The following L3MBTL3 variants were observed in gnomAD, a reference collection of about 807,000 sequenced individuals.
L3MBTL3 encodes the protein lethal(3)malignant brain tumor-like protein 3.
L3MBTL3 carries 27 observed loss-of-function variants against 102.3 expected under a neutral mutation model. That is an observed-to-expected ratio of 0.26 (90% CI 0.19 to 0.36). L3MBTL3 has a LOEUF of 0.36. Among genes scored for constraint, L3MBTL3 ranks in the 10% least tolerant of loss-of-function variants. L3MBTL3 has a pLI of 1.00. For missense variants in L3MBTL3, 798 were observed against 955.3 expected (o/e 0.84, Z 2.17); for synonymous variants, 340 against 320.9 (o/e 1.06, Z -0.64).
intron 10 of L3MBTL3, among the ~76,000 whole-genome samples, chr6:130,063,708 T>C (rs1782057714): frequency 6.6e-6 from 1 of 152,156 alleles, no homozygotes; most frequent in Non-Finnish European, 1.5e-5. Context: ...CTAGCACAAG[T>C]ATCTTCTCTG....
chr6:130,073,649 G>C (rs1782770525), intron 13 of L3MBTL3, among the ~76,000 whole-genome samples: 1 of 151,954 alleles, frequency 6.6e-6, no homozygotes, highest in South Asian at 2.1e-4. Flanking sequence ...ACATTCATGT[G>C]GAAAAAAAGT....
intron 20 of L3MBTL3, among the ~76,000 whole-genome samples, chr6:130,127,161 T>C (rs1050168506): frequency 1.2e-4 from 18 of 152,222 alleles, no homozygotes; most frequent in African/African-American, 4.1e-4. Context: ...GAAAAGTCTC[T>C]CTGAGCATGG....
intron 16 of L3MBTL3, among the ~76,000 whole-genome samples, chr6:130,092,033 G>A (rs759440784): frequency 3.3e-4 from 50 of 152,060 alleles, no homozygotes; most frequent in Middle Eastern, 3.4e-3. Flanking sequence ...AAGAAATGAC[G>A]AAAGCTGGAG....
At chr6:130,114,915 C>T (rs754524642) in intron 19 of L3MBTL3, among the ~76,000 whole-genome samples, 3 of 152,070 alleles carry the variant, frequency 2.0e-5, no homozygotes, top group Admixed American at 6.6e-5. Context: ...CAAGTACAGT[C>T]GCTCTTCATT....
chr6:130,105,522 A>C lies in L3MBTL3; in HGVS notation c.1886+947A>C, dbSNP rs554975770. Among the ~76,000 whole-genome samples, 18 of 151,480 alleles carry C rather than the reference A, an allele frequency of 1.2e-4. No homozygotes were observed. The South Asian group carries it at 2.3e-3, about 19-fold the overall frequency. ...ATCCAAAAATGAGGGTCACTTGAAA[A>C]AATTTACCAGGATCATTTGAGCCTG... On this transcript the variant is annotated intron_variant, in intron 19 of 22. Transcript: ENST00000361794.
At chr6:130,051,516 C>T in intron 6 of L3MBTL3, 108 bp downstream of exon 6, 1 of 1,007,210 alleles carries the variant, frequency 9.9e-7, no homozygotes, top group Non-Finnish European at 1.5e-6. Context: ...CCTATTGATA[C>T]CTTTTTCCCA....
intron 13 of L3MBTL3, among the ~76,000 whole-genome samples, chr6:130,076,246 G>A (rs955184535): frequency 6.6e-6 from 1 of 152,184 alleles, no homozygotes. Flanking sequence ...TTTTCCATAA[G>A]TAAGCATCTT....
intron 2 of L3MBTL3, among the ~76,000 whole-genome samples, chr6:130,037,004 C>G (rs948507594): frequency 1.3e-5 from 2 of 152,116 alleles, no homozygotes; most frequent in African/African-American, 4.8e-5. Flanking sequence ...TCTTTCTGCA[C>G]CTCAGTTTCT....
At chr6:130,131,103 T>G (rs967528160) in intron 20 of L3MBTL3, among the ~76,000 whole-genome samples, 3 of 152,114 alleles carry the variant, frequency 2.0e-5, no homozygotes, top group Admixed American at 1.3e-4. Context: ...CCAAAGAAAT[T>G]GAGGGATTTA....
chr6:130,044,901 CA>C (rs1421404449), intron 3 of L3MBTL3, among the ~76,000 whole-genome samples: 3 of 152,114 alleles, frequency 2.0e-5, no homozygotes, highest in Non-Finnish European at 4.4e-5. Flanking sequence ...TCTCTCACTT[CA>C]TTCTTTGCCT....
intron 6 of L3MBTL3, 43 bp from the exon 7 acceptor site, chr6:130,052,816 G>A (rs1348483320): frequency 1.3e-6 from 2 of 1,566,830 alleles, no homozygotes. Context: ...ATGTTTGATA[G>A]GTATTGTCTC....
chr6:130,048,545 T>TTGGAA, intron 3 of L3MBTL3, among the ~76,000 whole-genome samples: 1 of 152,322 alleles, frequency 6.6e-6, no homozygotes. Context: ...TTTTCAGTAT[T>TTGGAA]TGGAATGGAA....
At chr6:130,098,791 A>G (rs911917926) in intron 18 of L3MBTL3, among the ~76,000 whole-genome samples, 1 of 151,904 alleles carries the variant, frequency 6.6e-6, no homozygotes, top group African/African-American at 2.4e-5. Flanking sequence ...AAGGCACTGA[A>G]GTCCCTGCTC....
Position 130,048,098 on chromosome 6 carries a change from A to T in L3MBTL3, c.103-1184A>T, listed in dbSNP as rs1052166602. On this transcript the variant is annotated intron_variant, in intron 3 of 22. Transcript: ENST00000361794. Reference sequence around the variant, plus strand: ...GCTGTTTTCACCTGATAGAAAGAATAATTATTGATACTTTTTGTTGAAGAG... The same window carrying T: ...GCTGTTTTCACCTGATAGAAAGAATTATTATTGATACTTTTTGTTGAAGAG... Among the ~76,000 whole-genome samples, 12 of 152,364 alleles carry T rather than the reference A, an allele frequency of 7.9e-5. No homozygotes were observed. In the South Asian group the frequency reaches 1.9e-3, roughly 24 times the overall value.
chr6:130,130,002 G>A (rs1222829064), intron 20 of L3MBTL3, among the ~76,000 whole-genome samples: 1 of 152,230 alleles, frequency 6.6e-6, no homozygotes, highest in Non-Finnish European at 1.5e-5. Flanking sequence ...GAGGTGGCAT[G>A]CTGTGTGGCA....
At chr6:130,023,246 A>G (rs771628901) in intron 2 of L3MBTL3, among the ~76,000 whole-genome samples, 1 of 152,192 alleles carries the variant, frequency 6.6e-6, no homozygotes, top group Non-Finnish European at 1.5e-5. Flanking sequence ...AATCAAAATG[A>G]CTAATTATTG....
chr6:130,071,032 G>A lies in L3MBTL3; in HGVS notation c.1149G>A (p.Lys383=), dbSNP rs1179832743. 6.2e-7 allele frequency: 1 copy of A among 1,613,272 alleles called. No individual in the cohort carries two copies. Among genetic ancestry groups the A allele is most frequent in the South Asian group, 1.1e-5 (1 of 91,052 alleles). Residue 383 remains lysine, a synonymous_variant, in exon 13 of 23, where the codon AAG becomes AAA. Transcript: ENST00000361794. ...TGAAGCTTGAGGCAGTAGACAAAAA[G>A]AATCCCTCATTCATCTGTGTTGCTA... The part of the protein sequence containing the change: ...VGMKLEAVDK[K]NPSFICVATV...
At chr6:130,103,301 A>G (rs1482379306) in intron 18 of L3MBTL3, among the ~76,000 whole-genome samples, 10 of 152,334 alleles carry the variant, frequency 6.6e-5, no homozygotes, top group Admixed American at 5.9e-4. Context: ...ACCAGTGTAG[A>G]CTAGCAGTAT....
chr6:130,108,220 G>GTTTTTTTTTT lies in L3MBTL3; in HGVS notation c.1886+3646_1886+3655dup, dbSNP rs376419261. ...ATAAGCCCTCAATAAATGTTAGGTG[G>GTTTTTTTTTT]TTTTTTTTTTGTTTTTTTTTTTTTT... On this transcript the variant is annotated intron_variant, in intron 19 of 22. Transcript: ENST00000361794. Among the ~76,000 whole-genome samples, 44 of 118,692 alleles carry GTTTTTTTTTT rather than the reference G, an allele frequency of 3.7e-4. 8 individuals carry two copies. Among genetic ancestry groups the GTTTTTTTTTT allele is most frequent in the Non-Finnish European group, 5.7e-4 (32 of 56,142 alleles). The allele number at this position is 118,692 out of a possible 152,430, so 77.9% of individuals were successfully genotyped here.
Sources: gnomAD v4.1 joint callset for allele counts (sites outside exome capture counted in the v4.1 genomes callset) on GRCh38, gnomAD v4.1.1 for gene constraint, MANE v1.5 for transcripts, NCBI Gene and HGNC (gene_info 2026-07-23, HGNC 2026-07-21) for gene names.